The following LIMCH1 variants were observed in gnomAD, a reference collection of about 807,000 sequenced individuals.
LIMCH1 encodes LIM and calponin homology domains-containing protein 1.
Under a neutral mutation model 176.5 loss-of-function variants are expected in LIMCH1, and 113 were observed. The observed-to-expected ratio is 0.64, with a 90% CI of 0.55 to 0.75. The LOEUF (loss-of-function observed/expected upper bound fraction) is 0.75, where lower values mean the gene tolerates loss of function less well. Ranked by LOEUF, LIMCH1 falls within the 30% of genes least tolerant of loss-of-function variation. LIMCH1 has a pLI of 0.00. For missense variants in LIMCH1, 1,674 were observed against 1,814.9 expected (o/e 0.92, Z 1.41); for synonymous variants, 619 against 645.9 (o/e 0.96, Z 0.63).
At chr4:41,366,423 A>G (rs1448831118) in intron 1 of LIMCH1, among the ~76,000 whole-genome samples, 1 of 152,216 alleles carries the variant, frequency 6.6e-6, no homozygotes, top group African/African-American at 2.4e-5. Context: ...TTTAAAAAGT[A>G]CAATACAATT....
At chr4:41,664,547 A>C (rs569470079) in intron 20 of LIMCH1, among the ~76,000 whole-genome samples, 1 of 152,338 alleles carries the variant, frequency 6.6e-6, no homozygotes, top group East Asian at 1.9e-4. Flanking sequence ...AGGCAGGCAG[A>C]ATTTCCCACC....
chr4:41,474,465 C>A (rs530262681), intron 1 of LIMCH1, among the ~76,000 whole-genome samples: 1 of 152,056 alleles, frequency 6.6e-6, no homozygotes, highest in Admixed American at 6.6e-5. Context: ...CCAGCCTGGG[C>A]GACAGAGTGA....
chr4:41,661,488 G>T lies in LIMCH1; in HGVS notation c.3105G>T (p.Gly1035=). ...DKNDGGKSRK[G]NIELASSEPQ... ...ATGATGGTGGAAAATCAAGAAAAGG[G>T]AATATAGAACTTGCCTCATCAGGTT... The change falls in exon 19 of 32, where the codon GGG becomes GGT. Residue 1035 remains glycine (G), a synonymous_variant. Coordinates refer to ENST00000503057, the MANE Select transcript of LIMCH1 (RefSeq NM_001330672.2). The T allele has an allele frequency of 1.2e-6, 2 of 1,611,802 alleles. No individual in the cohort carries two copies. Among genetic ancestry groups the T allele is most frequent in the South Asian group, 1.1e-5 (1 of 90,840 alleles).
chr4:41,482,301 G>C (rs954735867), intron 1 of LIMCH1, among the ~76,000 whole-genome samples: 1 of 152,204 alleles, frequency 6.6e-6, no homozygotes, highest in Non-Finnish European at 1.5e-5. Context: ...CATAGGATTG[G>C]ATGCGACTAC....
intron 1 of LIMCH1, among the ~76,000 whole-genome samples, chr4:41,444,543 A>G (rs2063074268): frequency 6.6e-6 from 1 of 152,176 alleles, no homozygotes; most frequent in Non-Finnish European, 1.5e-5. Context: ...ATTGGCCAAC[A>G]CAATGGCGTC....
intron 1 of LIMCH1, among the ~76,000 whole-genome samples, chr4:41,441,722 C>G (rs551783087): frequency 2.7e-4 from 41 of 152,136 alleles, no homozygotes; most frequent in African/African-American, 9.4e-4. Context: ...TACTCTTTTT[C>G]TTTTTCTTGG....
intron 1 of LIMCH1, among the ~76,000 whole-genome samples, chr4:41,586,373 G>A (rs28497122): frequency 6.6e-6 from 1 of 151,790 alleles, no homozygotes; most frequent in Admixed American, 6.6e-5. Context: ...GCCTCCCAAA[G>A]TGCTAGGATT....
chr4:41,618,532 A>G (rs1201199037), intron 5 of LIMCH1, among the ~76,000 whole-genome samples: 1 of 152,232 alleles, frequency 6.6e-6, no homozygotes, highest in Non-Finnish European at 1.5e-5. Context: ...GTGCCAGAAG[A>G]AAAGACAAGA....
intron 18 of LIMCH1, among the ~76,000 whole-genome samples, chr4:41,659,724 C>A (rs2094558165): frequency 6.6e-6 from 1 of 152,092 alleles, no homozygotes; most frequent in African/African-American, 2.4e-5. Flanking sequence ...TAAAATTTAA[C>A]TTTAGCTTTT....
intron 18 of LIMCH1, among the ~76,000 whole-genome samples, chr4:41,660,373 A>C (rs1037824509): frequency 6.6e-6 from 1 of 152,198 alleles, no homozygotes; most frequent in Non-Finnish European, 1.5e-5. Flanking sequence ...CAAGCATTAG[A>C]GTAATTACTG....
chr4:41,374,266 C>G (rs891817737), intron 1 of LIMCH1, among the ~76,000 whole-genome samples: 3 of 152,090 alleles, frequency 2.0e-5, no homozygotes, highest in African/African-American at 7.2e-5. Context: ...TGGCTTTAGA[C>G]ATGTTTTCTG....
intron 24 of LIMCH1, among the ~76,000 whole-genome samples, chr4:41,680,660 A>G (rs1233258225): frequency 2.0e-5 from 3 of 152,208 alleles, no homozygotes; most frequent in South Asian, 2.1e-4. Context: ...ATATTCAGCA[A>G]TACTTTTTGT....
intron 2 of LIMCH1, among the ~76,000 whole-genome samples, chr4:41,505,017 T>C (rs1173960503): frequency 6.6e-6 from 1 of 152,152 alleles, no homozygotes; most frequent in Non-Finnish European, 1.5e-5. Flanking sequence ...TAAAAACAGA[T>C]CATAATTGTA....
At chr4:41,627,605 T>A (rs28692788) in intron 8 of LIMCH1, among the ~76,000 whole-genome samples, 2,217 of 152,362 alleles carry the variant, frequency 0.015, 50 homozygotes, top group African/African-American at 0.047. Context: ...AGAAATTGTT[T>A]TCAAGCCAGT....
At chr4:41,670,597 ACT>A (rs2094980870) in intron 21 of LIMCH1, 1 of 611,408 alleles carries the variant, frequency 1.6e-6, no homozygotes, top group South Asian at 2.3e-5. Context: ...AGATTTACTG[ACT>A]CTCAATTCTG....
chr4:41,453,336 A>G (rs2064131528), intron 1 of LIMCH1, among the ~76,000 whole-genome samples: 1 of 152,224 alleles, frequency 6.6e-6, no homozygotes, highest in Admixed American at 6.5e-5. Flanking sequence ...ACTCTGCTCA[A>G]ACTTAACTGC....
At chr4:41,431,449 T>C (rs1425319046) in intron 1 of LIMCH1, among the ~76,000 whole-genome samples, 1 of 152,206 alleles carries the variant, frequency 6.6e-6, no homozygotes, top group Non-Finnish European at 1.5e-5. Flanking sequence ...ATGGTTTATA[T>C]AAAATGCCAA....
At chr4:41,671,966 C>G (rs1560320332) in intron 22 of LIMCH1, among the ~76,000 whole-genome samples, 1 of 149,944 alleles carries the variant, frequency 6.7e-6, no homozygotes, top group African/African-American at 2.5e-5. Context: ...AATTAAAAGT[C>G]ATATATAACG....
intron 1 of LIMCH1, among the ~76,000 whole-genome samples, chr4:41,396,519 GT>G (rs1024739761): frequency 2.6e-5 from 4 of 151,178 alleles, no homozygotes; most frequent in South Asian, 2.1e-4. Context: ...TATTGTGCGG[GT>G]TTTTTTTTGT....
Sources: allele counts gnomAD v4.1 joint callset (sites outside exome capture counted in the v4.1 genomes callset), GRCh38; gene constraint gnomAD v4.1.1; transcripts MANE v1.5; gene names NCBI Gene and HGNC (gene_info 2026-07-23, HGNC 2026-07-21).